The following TBCK variants were observed in gnomAD, a reference collection of about 807,000 sequenced individuals.
TBCK encodes the protein TBC domain-containing protein kinase-like protein.
TBCK carries 99 observed loss-of-function variants against 113.4 expected under a neutral mutation model. That is an observed-to-expected ratio of 0.87 (90% CI 0.74 to 1.03). The LOEUF (loss-of-function observed/expected upper bound fraction) is 1.03, where lower values mean the gene tolerates loss of function less well. TBCK is among the 50% of genes least tolerant of loss of function. The pLI is 0.00. For missense variants in TBCK, 1,045 were observed against 1,061.3 expected, an observed-to-expected ratio of 0.98 and a Z score of 0.21; for synonymous variants, 369 against 370.8, an observed-to-expected ratio of 1.00 and a Z score of 0.05.
At chr4:106,261,299 T>G (rs1472536278) in intron 4 of TBCK, among the ~76,000 whole-genome samples, 2 of 152,092 alleles carry the variant, frequency 1.3e-5, no homozygotes. Flanking sequence ...GTTTGTTTTT[T>G]AGAGACAGGG....
At chr4:106,056,171 C>A (rs1340303306) in intron 25 of TBCK, among the ~76,000 whole-genome samples, 1 of 151,318 alleles carries the variant, frequency 6.6e-6, no homozygotes, top group African/African-American at 2.4e-5. Context: ...ACATTCTTTT[C>A]AAACCTACGT....
At chr4:106,111,145 A>G (rs772228205) in intron 24 of TBCK, among the ~76,000 whole-genome samples, 11 of 152,170 alleles carry the variant, frequency 7.2e-5, no homozygotes, top group Middle Eastern at 6.3e-3. Context: ...TGGGTAGAAC[A>G]GTAGCCTTTA....
chr4:106,226,823 A>G (rs1303983784), intron 19 of TBCK, among the ~76,000 whole-genome samples: 1 of 152,100 alleles, frequency 6.6e-6, no homozygotes, highest in East Asian at 1.9e-4. Flanking sequence ...TATCAATTCT[A>G]TAATAAACAT....
chr4:106,130,582 C>T (rs969437166), intron 23 of TBCK, among the ~76,000 whole-genome samples: 96 of 127,172 alleles, frequency 7.5e-4, no homozygotes, highest in African/African-American at 2.6e-3. Flanking sequence ...ACCACTTTTG[C>T]GCTAAATACA....
At chr4:106,255,720 G>A (rs773675756) in intron 5 of TBCK, among the ~76,000 whole-genome samples, 1 of 152,172 alleles carries the variant, frequency 6.6e-6, no homozygotes, top group Non-Finnish European at 1.5e-5. Context: ...CAAGCAAGGG[G>A]TTGTTTCAGC....
In TBCK at chr4:106,193,646, G is replaced by A. The variant is rs1384006725; in HGVS notation, c.2022C>T (p.Gly674=). 1.2e-6 allele frequency: 2 copies of A among 1,613,418 alleles called. No homozygotes were observed. Among genetic ancestry groups the A allele is most frequent in the African/African-American group, 2.7e-5 (2 of 74,866 alleles). ...AGAAGAGAAGAATACACTCATTAAA[G>A]CCATTAGCCAAAAGCCGGTCCCGCA... The part of the protein sequence containing the change: ...QQLRDRLLAN[G]FNECILLFSD... The change falls in exon 22 of 26, where the codon GGC becomes GGT. Residue 674 remains glycine (G), a synonymous_variant. Coordinates refer to ENST00000394708, the MANE Select transcript of TBCK (RefSeq NM_001163435.3).
intron 25 of TBCK, among the ~76,000 whole-genome samples, chr4:106,088,927 G>A (rs1184457135): frequency 6.6e-6 from 1 of 152,084 alleles, no homozygotes; most frequent in Non-Finnish European, 1.5e-5. Flanking sequence ...ATGGCTGTTG[G>A]GTGCTGGTGG....
chr4:106,290,278 C>A (rs927607636), intron 3 of TBCK, among the ~76,000 whole-genome samples: 1 of 152,028 alleles, frequency 6.6e-6, no homozygotes, highest in Admixed American at 6.5e-5. Flanking sequence ...CCCGGGTTCA[C>A]GCCATTCTCC....
chr4:106,224,402 T>C (rs1579307821), intron 19 of TBCK, among the ~76,000 whole-genome samples: 1 of 152,060 alleles, frequency 6.6e-6, no homozygotes, highest in Non-Finnish European at 1.5e-5. Flanking sequence ...TCAGTAAATA[T>C]GCATTTCTAC....
intron 3 of TBCK, among the ~76,000 whole-genome samples, chr4:106,265,104 A>G (rs1023079955): frequency 2.0e-5 from 3 of 151,906 alleles, no homozygotes; most frequent in African/African-American, 7.2e-5. Flanking sequence ...ATGTACTTTC[A>G]ATCTGAAGAC....
At chr4:106,124,053 A>G (rs1319874325) in intron 23 of TBCK, among the ~76,000 whole-genome samples, 1 of 151,054 alleles carries the variant, frequency 6.6e-6, no homozygotes, top group African/African-American at 2.4e-5. Flanking sequence ...CTACCATCAG[A>G]GTGAACAGGC....
At chr4:106,055,134 A>G (rs1735238236) in intron 25 of TBCK, among the ~76,000 whole-genome samples, 1 of 151,628 alleles carries the variant, frequency 6.6e-6, no homozygotes, top group Admixed American at 6.6e-5. Context: ...GGATGCAGTG[A>G]AAGTTTTACT....
intron 3 of TBCK, among the ~76,000 whole-genome samples, chr4:106,266,900 C>T (rs1189441373): frequency 1.3e-5 from 2 of 151,716 alleles, no homozygotes; most frequent in Non-Finnish European, 2.9e-5. Context: ...AATGCAACAG[C>T]AAAGTAAAAC....
At chr4:106,119,654 T>C (rs1286134077) in intron 23 of TBCK, among the ~76,000 whole-genome samples, 1 of 152,132 alleles carries the variant, frequency 6.6e-6, no homozygotes. Flanking sequence ...GAAGCAAAAC[T>C]AGACATAGAA....
In TBCK at chr4:106,252,009, T is replaced by C. The variant is rs780527809; in HGVS notation, c.456-2A>G. On this transcript the variant is annotated splice_acceptor_variant, in intron 5 of 25. Coordinates refer to ENST00000394708, the MANE Select transcript of TBCK (RefSeq NM_001163435.3). LOFTEE classifies it high-confidence loss of function. Reference sequence around the variant, plus strand: ...TCAGGGGCCAAGTACGAGGGATACCTGTAATGATACATTAAAATAATGAAA... The same window carrying C: ...TCAGGGGCCAAGTACGAGGGATACCCGTAATGATACATTAAAATAATGAAA... The C allele has an allele frequency of 2.5e-6, 4 of 1,584,792 alleles. No individual in the cohort carries two copies. The highest frequency in any genetic ancestry group is 2.3e-5 in the South Asian group (2 of 85,524).
At chr4:106,057,690 T>A (rs1735585935) in intron 25 of TBCK, among the ~76,000 whole-genome samples, 3 of 151,796 alleles carry the variant, frequency 2.0e-5, no homozygotes, top group Admixed American at 1.3e-4. Context: ...GGTCTAGGTC[T>A]ATTATCACCC....
At chr4:106,210,177 T>A (rs1755969851) in intron 20 of TBCK, among the ~76,000 whole-genome samples, 1 of 152,108 alleles carries the variant, frequency 6.6e-6, no homozygotes, top group Non-Finnish European at 1.5e-5. Flanking sequence ...AAAGACAGAT[T>A]TACTAATAGC....
chr4:106,316,369 TTGAAAATAC>T, upstream of TBCK: 1 of 608,700 alleles, frequency 1.6e-6, no homozygotes, highest in South Asian at 2.0e-5. Context: ...GGGGGGTCGA[TTGAAAATAC>T]TGGGTGAGGG....
chr4:106,278,503 G>A (rs1354893772), intron 3 of TBCK, among the ~76,000 whole-genome samples: 1 of 136,956 alleles, frequency 7.3e-6, no homozygotes, highest in African/African-American at 2.8e-5. Flanking sequence ...AGGTTGCAGT[G>A]AGCCCAGATC....
Sources: allele counts gnomAD v4.1 joint callset (sites outside exome capture counted in the v4.1 genomes callset), GRCh38; gene constraint gnomAD v4.1.1; transcripts MANE v1.5; gene names NCBI Gene and HGNC (gene_info 2026-07-23, HGNC 2026-07-21).